The following DCTN4 variants were observed in gnomAD, a reference collection of about 807,000 sequenced individuals.
The protein encoded by DCTN4 is dynactin 4 (p62).
DCTN4 carries 23 observed loss-of-function variants against 62.7 expected under a neutral mutation model. The observed-to-expected ratio is 0.37, with a 90% CI of 0.26 to 0.52. DCTN4 has a LOEUF of 0.52. Among genes scored for constraint, DCTN4 ranks in the 20% least tolerant of loss-of-function variants. The pLI is 0.92. For missense variants in DCTN4, 514 were observed against 580.4 expected, an observed-to-expected ratio of 0.89 and a Z score of 1.18; for synonymous variants, 199 against 202.1, an observed-to-expected ratio of 0.98 and a Z score of 0.13.
chr5:150,734,763 C>A (rs1228406935), intron 4 of DCTN4, among the ~76,000 whole-genome samples: 1 of 152,194 alleles, frequency 6.6e-6, no homozygotes, highest in Admixed American at 6.5e-5. Flanking sequence ...TAGCCTGGGC[C>A]AAAATCTTGG....
intron 4 of DCTN4, among the ~76,000 whole-genome samples, chr5:150,741,598 A>G (rs1760773018): frequency 6.6e-6 from 1 of 152,190 alleles, no homozygotes; most frequent in Non-Finnish European, 1.5e-5. Context: ...CTCCCACCTC[A>G]GCCTCCTGAG....
Position 150,710,994 on chromosome 5 carries a change from A to T in DCTN4, c.*155T>A. On this transcript the variant is annotated 3_prime_UTR_variant, in exon 13 of 13. Coordinates refer to ENST00000447998, the MANE Select transcript of DCTN4 (RefSeq NM_016221.4). ...GCAACAGCAGCTACCCTGTGTTCCC[A>T]ATGCCTTGCCTATGCTCCCACTTTC... 1 of 726,348 alleles carries T rather than the reference A, an allele frequency of 1.4e-6. No individual in the cohort carries two copies. The highest frequency in any genetic ancestry group is 1.8e-5 in the South Asian group (1 of 54,388). The allele number at this position is 726,348 out of a possible 1,614,324, so 45.0% of individuals were successfully genotyped here.
At chr5:150,727,502 C>T (rs971646089) in intron 8 of DCTN4, among the ~76,000 whole-genome samples, 27 of 152,136 alleles carry the variant, frequency 1.8e-4, no homozygotes, top group South Asian at 4.1e-4. Context: ...GCAGGCCGGG[C>T]GCGGTGGCTC....
intron 4 of DCTN4, chr5:150,734,209 C>G (rs1166136668): frequency 6.6e-6 from 1 of 152,116 alleles, no homozygotes; most frequent in Non-Finnish European, 1.5e-5. Flanking sequence ...AGAACTACTG[C>G]AGGAACATAC....
In DCTN4 at chr5:150,711,630, C is replaced by T. The variant is rs536403929; in HGVS notation, c.1170-268G>A. On this transcript the variant is annotated intron_variant, in intron 12 of 12. Coordinates refer to ENST00000447998, the MANE Select transcript of DCTN4 (RefSeq NM_016221.4). The stretch of plus-strand genomic sequence containing the variant: ...AAGTAACTCTCCCATCTCAGCCTCC[C>T]GAGTAGCTGGGACTACAGGCATGCA... Among the ~76,000 whole-genome samples, 36 of 152,118 alleles carry T rather than the reference C, an allele frequency of 2.4e-4. 1 individual carries two copies. Among genetic ancestry groups the T allele is most frequent in the South Asian group, 6.2e-4 (3 of 4,814 alleles).
intron 3 of DCTN4, 141 bp downstream of exon 3, chr5:150,753,338 T>C: frequency 1.5e-6 from 1 of 661,868 alleles, no homozygotes; most frequent in South Asian, 2.2e-5. Context: ...AATGTGAACA[T>C]ATGGGAACAC....
At chr5:150,746,102 A>C (rs1439662305) in intron 3 of DCTN4, among the ~76,000 whole-genome samples, 1 of 151,490 alleles carries the variant, frequency 6.6e-6, no homozygotes, top group Non-Finnish European at 1.5e-5. Flanking sequence ...AAAAATGATA[A>C]AGGGGATATC....
rs1338701908 is a variant in DCTN4, at chr5:150,709,019, T to C, written c.*2130A>G. The C allele has an allele frequency of 6.5e-6, 1 of 152,802 alleles. No homozygotes were observed. Among genetic ancestry groups the C allele is most frequent in the African/African-American group, 2.4e-5 (1 of 41,462 alleles). 9.5% of individuals were successfully genotyped at this position (152,802 alleles called of 1,614,324 possible). A position where few individuals can be genotyped will look rare whatever the true frequency, so the allele number is the denominator to read the frequency against. On this transcript the variant is annotated 3_prime_UTR_variant, in exon 13 of 13. Transcript: ENST00000447998. ...AAGTGCTAATGGGATCTAACTTTCC[T>C]GTGGTGGTGCATACTGACTAGCATT...
At chr5:150,756,630 C>A in intron 1 of DCTN4, 143 bp from the exon 2 acceptor site, 2 of 351,924 alleles carry the variant, frequency 5.7e-6, no homozygotes, top group Admixed American at 6.8e-5. Flanking sequence ...TATTCTTCTT[C>A]AGTCACCTGT....
chr5:150,718,040 G>A (rs1448727720), intron 11 of DCTN4, among the ~76,000 whole-genome samples: 1 of 152,204 alleles, frequency 6.6e-6, no homozygotes. Flanking sequence ...AGAGGTGGTG[G>A]TATAAAAATA....
At chr5:150,713,880 A>G (rs1297395693) in intron 12 of DCTN4, among the ~76,000 whole-genome samples, 1 of 151,846 alleles carries the variant, frequency 6.6e-6, no homozygotes, top group African/African-American at 2.4e-5. Context: ...ACTTTGGGAG[A>G]CCAAGTCGGG....
At chr5:150,734,634 G>C (rs1298799497) in intron 4 of DCTN4, among the ~76,000 whole-genome samples, 2 of 152,130 alleles carry the variant, frequency 1.3e-5, no homozygotes, top group African/African-American at 4.8e-5. Context: ...AAATTTTCCT[G>C]GGCACAATCA....
chr5:150,756,003 GAA>G (rs1230807679), intron 2 of DCTN4, among the ~76,000 whole-genome samples: 2 of 147,816 alleles, frequency 1.4e-5, no homozygotes, highest in Non-Finnish European at 3.0e-5. Context: ...GCTTAAAAAT[GAA>G]AAAGAGCTGG....
In DCTN4 at chr5:150,735,796, C is replaced by T. The variant is rs530742035; in HGVS notation, c.430-2321G>A. Among the ~76,000 whole-genome samples the T allele has an allele frequency of 2.0e-5, 3 of 151,626 alleles. 1 individual carries two copies. Among genetic ancestry groups the T allele is most frequent in the African/African-American group, 7.3e-5 (3 of 41,332 alleles). On this transcript the variant is annotated intron_variant, in intron 4 of 12. Coordinates refer to ENST00000447998, the MANE Select transcript of DCTN4 (RefSeq NM_016221.4). ...TACACTAGTTCACCAGCAATGGATCCAAACCAAGAAGAAAACTCTGAATTG... is the reference window on the plus strand; with the variant it reads ...TACACTAGTTCACCAGCAATGGATCTAAACCAAGAAGAAAACTCTGAATTG...
At chr5:150,755,364 A>T (rs914284600) in intron 2 of DCTN4, among the ~76,000 whole-genome samples, 1 of 152,154 alleles carries the variant, frequency 6.6e-6, no homozygotes, top group African/African-American at 2.4e-5. Context: ...TGTGACAGTA[A>T]TTTTCCTTCC....
chr5:150,713,011 A>G (rs1373604243), intron 12 of DCTN4, among the ~76,000 whole-genome samples: 5 of 152,218 alleles, frequency 3.3e-5, no homozygotes, highest in African/African-American at 7.2e-5. Context: ...TTCCAGAAGT[A>G]TATCTTGGCT....
intron 2 of DCTN4, among the ~76,000 whole-genome samples, chr5:150,754,054 A>C (rs1323775716): frequency 6.6e-6 from 1 of 152,254 alleles, no homozygotes; most frequent in Non-Finnish European, 1.5e-5. Flanking sequence ...GTGAAACTGG[A>C]TTTGGAAAAT....
chr5:150,735,151 T>C (rs1184448674), intron 4 of DCTN4, among the ~76,000 whole-genome samples: 1 of 152,170 alleles, frequency 6.6e-6, no homozygotes, highest in Non-Finnish European at 1.5e-5. Flanking sequence ...GGCAAGCTTG[T>C]ATCCCCACCA....
At position 150,731,453 on chromosome 5, in the gene DCTN4, G is replaced by A. The variant is rs1380676450; in HGVS notation, c.574C>T (p.Arg192Ter). ...YGLGTRLQRP[R>*]AGASISTLAG... is the part of the protein sequence containing the mutation. The stretch of plus-strand genomic sequence containing the variant: ...AGGGTACTGATGGATGCACCAGCTC[G>A]TGGTCGCTGAAGCCTGGTTCCAAGA... Residue 192 changes from arginine to a stop codon, truncating the protein, a stop_gained, in exon 6 of 13, where the codon CGA (arginine) becomes TGA (stop). Transcript: ENST00000447998. LOFTEE classifies it high-confidence loss of function. 3.1e-6 allele frequency: 5 copies of A among 1,613,902 alleles called. No homozygotes were observed. Among genetic ancestry groups the A allele is most frequent in the South Asian group, 2.2e-5 (2 of 91,072 alleles).
Sources: gnomAD v4.1 joint callset for allele counts (sites outside exome capture counted in the v4.1 genomes callset) on GRCh38, gnomAD v4.1.1 for gene constraint, MANE v1.5 for transcripts, NCBI Gene and HGNC (gene_info 2026-07-23, HGNC 2026-07-21) for gene names.